The following SUOX variants were observed in gnomAD, a reference collection of about 807,000 sequenced individuals.
SUOX encodes sulfite oxidase, also known as sulfite oxidase, mitochondrial.
SUOX carries 39 observed loss-of-function variants against 41.9 expected under a neutral mutation model. The ratio of observed to expected loss-of-function variants is 0.93; its 90% CI spans 0.72 to 1.21. The LOEUF (loss-of-function observed/expected upper bound fraction) is 1.21, where lower values mean the gene tolerates loss of function less well. Among genes scored for constraint, SUOX ranks in the 50% most tolerant of loss-of-function variants. The pLI is 0.00. For synonymous variants in SUOX, 220 were observed against 268.4 expected, an observed-to-expected ratio of 0.82 and a Z score of 1.76; for missense variants, 633 against 689.5, an observed-to-expected ratio of 0.92 and a Z score of 0.92.
Position 56,004,504 on chromosome 12 carries a change from T to C in SUOX, c.1115T>C (p.Val372Ala), listed in dbSNP as rs759873311. Residue 372 changes from valine (V) to alanine (A), a missense_variant, in exon 5 of 5, where the codon GTG becomes GCG. Physicochemically the swap from Val to Ala is moderately conservative, Grantham distance 64 (BLOSUM62 0). Transcript: ENST00000266971. This position sits in a 1 kb window ranked among gnomAD's most constrained non-coding sequence, Gnocchi z 4.5. ...CCTGTGCGTGTGGTGGTTCCTGGAG[T>C]GGTGGGTGCCCGCCATGTCAAATGG... The part of the protein sequence containing the change: ...GFPVRVVVPG[V>A]VGARHVKWLG... The C allele has an allele frequency of 6.2e-7, 1 of 1,611,784 alleles. No individual in the cohort carries two copies. Among genetic ancestry groups the C allele is most frequent in the Non-Finnish European group, 8.5e-7 (1 of 1,179,668 alleles).
Position 56,002,541 on chromosome 12 carries a change from A to G in SUOX, c.51-2A>G. ...TGCTACTAAGACCGACCTCTCTTCC[A>G]GACTCAAGTCAATCCCCTCAAGGAT... On this transcript the variant is annotated splice_acceptor_variant, in intron 3 of 4. Transcript: ENST00000266971. LOFTEE classifies it high-confidence loss of function. 1 of 1,614,222 alleles carries G rather than the reference A, an allele frequency of 6.2e-7. No individual in the cohort carries two copies. The highest frequency in any genetic ancestry group is 8.5e-7 in the Non-Finnish European group (1 of 1,180,042).
chr12:56,001,776 CT>C (rs895710447), intron 2 of SUOX: 27 of 347,284 alleles, frequency 7.8e-5, no homozygotes, highest in Non-Finnish European at 1.1e-4. Flanking sequence ...GCTGTCACTA[CT>C]TTTTTTTCAC....
chr12:56,002,231 C>T lies in SUOX; in HGVS notation c.10C>T (p.Leu4=), dbSNP rs1214439495. The T allele has an allele frequency of 1.2e-6, 2 of 1,613,070 alleles. No individual in the cohort carries two copies. The highest frequency in any genetic ancestry group is 4.5e-5 in the East Asian group (2 of 44,896). The change falls in exon 3 of 5, where the codon CTG becomes TTG. Residue 4 remains leucine (L), a synonymous_variant. Transcript: ENST00000266971. MLL[L]HRAVVLRLQQ... is the part of the protein sequence containing the mutation. ...CTACAGGTCTGCTACAATGCTGCTG[C>T]TGCACAGAGCTGTGGTCCTCAGGCT...
chr12:55,999,058 C>A (rs1186600516), intron 2 of SUOX, among the ~76,000 whole-genome samples: 1 of 151,960 alleles, frequency 6.6e-6, no homozygotes, highest in Non-Finnish European at 1.5e-5. Context: ...AAGTGATCCT[C>A]CTTCCTTGGC....
At position 56,004,442 on chromosome 12, in the gene SUOX, G is replaced by T. The variant is rs1890660405; in HGVS notation, c.1053G>T (p.Glu351Asp). Residue 351 changes from glutamate to aspartate, a missense_variant, in exon 5 of 5, where the codon GAG (glutamate) becomes GAT (aspartate). Transcript: ENST00000266971. This position sits in a 1 kb window ranked among gnomAD's most constrained non-coding sequence, Gnocchi z 4.5. ...DPEAEVLLAY[E>D]MNGQPLPRDH... is the part of the protein sequence containing the mutation. ...AAGCTGAGGTCCTGCTGGCATATGAGATGAATGGGCAGCCTCTGCCACGTG... is the reference window on the plus strand; with the variant it reads ...AAGCTGAGGTCCTGCTGGCATATGATATGAATGGGCAGCCTCTGCCACGTG... The T allele has an allele frequency of 6.2e-7, 1 of 1,614,052 alleles. No individual in the cohort carries two copies. Among genetic ancestry groups the T allele is most frequent in the Admixed American group, 1.7e-5 (1 of 60,002 alleles).
chr12:56,002,474 GT>G (rs1890567640), intron 3 of SUOX, 68 bp from the exon 4 acceptor site: 1 of 1,602,204 alleles, frequency 6.2e-7, no homozygotes, highest in South Asian at 1.1e-5. Context: ...GGAGAAAGAA[GT>G]AGACCCCAAG....
chr12:56,002,922 G>C, intron 4 of SUOX: 1 of 556,754 alleles, frequency 1.8e-6, no homozygotes. Flanking sequence ...AGCTACTTGA[G>C]AGGCTGAGAC....
chr12:56,004,227 G>T lies in SUOX; in HGVS notation c.838G>T (p.Gly280Cys). The change falls in exon 5 of 5, where the codon GGT (glycine) becomes TGT (cysteine). Residue 280 changes from glycine (G) to cysteine (C), a missense_variant. Transcript: ENST00000266971. This position sits in a 1 kb window ranked among gnomAD's most constrained non-coding sequence, Gnocchi z 4.5. ...SEMTQVKEVK[G>C]LEWRTGAIST... ...GATGACTCAGGTCAAAGAAGTAAAA[G>T]GTCTGGAGTGGAGAACAGGAGCCAT... 1 of 1,614,136 alleles carries T rather than the reference G, an allele frequency of 6.2e-7. No homozygotes were observed. Among genetic ancestry groups the T allele is most frequent in the East Asian group, 2.2e-5 (1 of 44,884 alleles).
At position 56,004,788 on chromosome 12, in the gene SUOX, G is replaced by T; in HGVS notation, c.1399G>T (p.Gly467Cys). Residue 467 changes from glycine to cysteine, a missense_variant, in exon 5 of 5, where the codon GGC (glycine) becomes TGC (cysteine). Coordinates refer to ENST00000266971, the MANE Select transcript of SUOX (RefSeq NM_001032386.2). The surrounding 1 kb of genome is among the most constrained non-coding windows in gnomAD (Gnocchi z 4.5). The stretch of plus-strand genomic sequence containing the variant: ...CCGGGTGGATGTGTCTCTGGATGGG[G>T]GCCTAACCTGGCAGGTGGCTAAGCT... Reference protein sequence around the residue: ...VIRVDVSLDGGLTWQVAKLDG... With the variant: ...VIRVDVSLDGCLTWQVAKLDG... 1.2e-6 allele frequency: 2 copies of T among 1,614,152 alleles called. No individual in the cohort carries two copies. The highest frequency in any genetic ancestry group is 1.7e-6 in the Non-Finnish European group (2 of 1,180,024).
chr12:55,998,338 G>A (rs951611573), intron 2 of SUOX, among the ~76,000 whole-genome samples: 6 of 148,980 alleles, frequency 4.0e-5, no homozygotes, highest in Non-Finnish European at 8.9e-5. Flanking sequence ...TTGAACCCAG[G>A]AGTTTGAGAC....
chr12:55,998,731 C>T (rs1890401984), intron 2 of SUOX, among the ~76,000 whole-genome samples: 1 of 152,084 alleles, frequency 6.6e-6, no homozygotes, highest in East Asian at 1.9e-4. Flanking sequence ...GAGGCTAAGG[C>T]AGGAGGATGG....
Position 56,004,596 on chromosome 12 carries a change from T to G in SUOX, c.1207T>G (p.Phe403Val). The G allele has an allele frequency of 6.2e-7, 1 of 1,614,204 alleles. No individual in the cohort carries two copies. The highest frequency in any genetic ancestry group is 8.5e-7 in the Non-Finnish European group (1 of 1,180,034). ...SHWQRRDYKG[F>V]SPSVDWETVD... The stretch of plus-strand genomic sequence containing the variant: ...CTGGCAACGGCGGGATTACAAAGGC[T>G]TCTCTCCATCTGTGGACTGGGAGAC... Residue 403 changes from phenylalanine (F) to valine (V), a missense_variant, in exon 5 of 5, where the codon TTC becomes GTC. Coordinates refer to ENST00000266971, the MANE Select transcript of SUOX (RefSeq NM_001032386.2). The surrounding 1 kb of genome is among the most constrained non-coding windows in gnomAD (Gnocchi z 4.5).
chr12:55,998,933 C>T (rs1371171543), intron 2 of SUOX, among the ~76,000 whole-genome samples: 1 of 151,924 alleles, frequency 6.6e-6, no homozygotes, highest in Non-Finnish European at 1.5e-5. Context: ...CTCTCCCCAC[C>T]ACCCCGGTAG....
chr12:56,002,668 G>A lies in SUOX; in HGVS notation c.176G>A (p.Gly59Glu), dbSNP rs200501208. ...AGCACCCAGGGATGGAGAGTCATGG[G>A]GACCCTATTAGGTCTCGGTGCAGTG... ...NSSTQGWRVM[G>E]TLLGLGAVLA... The change falls in exon 4 of 5, where the codon GGG becomes GAG. Residue 59 changes from glycine to glutamate, a missense_variant. By Grantham distance (98) the Gly-to-Glu change is moderately conservative (BLOSUM62 -2). Transcript: ENST00000266971. 5 of 1,614,070 alleles carry A rather than the reference G, an allele frequency of 3.1e-6. No homozygotes were observed. The highest frequency in any genetic ancestry group is 4.2e-6 in the Non-Finnish European group (5 of 1,180,024).
In SUOX at chr12:55,997,626, C is replaced by T. The variant is rs1221510639; in HGVS notation, c.-108C>T. ...TTTCTGTATTACAGCAAAAGGCTGT[C>T]CCTCCCAAACCTGGGATTCTGGGCT... On this transcript the variant is annotated 5_prime_UTR_variant, in exon 2 of 5. Coordinates refer to ENST00000266971, the MANE Select transcript of SUOX (RefSeq NM_001032386.2). 1 of 152,332 alleles carries T rather than the reference C, an allele frequency of 6.6e-6. No homozygotes were observed. The highest frequency in any genetic ancestry group is 2.4e-5 in the African/African-American group (1 of 41,440). 9.4% of individuals were successfully genotyped at this position (152,332 alleles called of 1,614,324 possible).
Position 55,999,336 on chromosome 12 carries a change from C to T in SUOX, c.-11+1613C>T, listed in dbSNP as rs139170103. The T allele has an allele frequency of 5.1e-4, 79 of 153,496 alleles. 2 individuals carry two copies. In the East Asian group the frequency reaches 8.3e-3, roughly 16 times the overall value. The allele number at this position is 153,496 out of a possible 1,614,324, so 9.5% of individuals were successfully genotyped here. The stretch of plus-strand genomic sequence containing the variant: ...CAACTAACTTTTTATTTTGTAGGGA[C>T]GGAGTCTCCAACTCCTGGCCTCTAG... On this transcript the variant is annotated intron_variant, in intron 2 of 4. Transcript: ENST00000266971.
chr12:56,004,563 T>TA lies in SUOX; in HGVS notation c.1175dup (p.Tyr392Ter), dbSNP rs1302898934. The TA allele has an allele frequency of 6.2e-7, 1 of 1,614,188 alleles. No homozygotes were observed. The highest frequency in any genetic ancestry group is 1.1e-5 in the South Asian group (1 of 91,088). ...GRVSVQPEESYSHWQRRDYKG... is the reference protein window; with the variant it reads ...GRVSVQPEES ...AGTGAGTGTGCAGCCAGAGGAAAGT[T>TA]ACAGCCACTGGCAACGGCGGGATTA... Residue 392 changes from tyrosine (Y) to a stop codon, truncating the protein, a stop_gained and frameshift_variant, in exon 5 of 5, where the codon TAC (tyrosine) becomes TAAC (stop). Transcript: ENST00000266971. LOFTEE classifies it high-confidence loss of function. The surrounding 1 kb of genome is among the most constrained non-coding windows in gnomAD (Gnocchi z 4.5).
rs755191764 is a variant in SUOX at position 56,002,653 on chromosome 12, G to A, written c.161G>A (p.Gly54Glu). 6.2e-7 allele frequency: 1 copy of A among 1,614,072 alleles called. No individual in the cohort carries two copies. The highest frequency in any genetic ancestry group is 1.1e-5 in the South Asian group (1 of 91,062). The change falls in exon 4 of 5, where the codon GGA (glycine) becomes GAA (glutamate). Residue 54 changes from glycine (G) to glutamate (E), a missense_variant. By Grantham distance (98) the Gly-to-Glu change is moderately conservative (BLOSUM62 -2). Transcript: ENST00000266971. ...TFSGDNSSTQGWRVMGTLLGL... is the reference protein window; with the variant it reads ...TFSGDNSSTQEWRVMGTLLGL... ...TCTGGTGATAACTCCAGCACCCAGG[G>A]ATGGAGAGTCATGGGGACCCTATTA...
Position 56,004,462 on chromosome 12 carries a change from C to T in SUOX, c.1073C>T (p.Pro358Leu), listed in dbSNP as rs775044168. Residue 358 changes from proline to leucine, a missense_variant, in exon 5 of 5, where the codon CCA (proline) becomes CTA (leucine). Pro to Leu is a moderately conservative substitution (Grantham distance 98). Transcript: ENST00000266971. This position sits in a 1 kb window ranked among gnomAD's most constrained non-coding sequence, Gnocchi z 4.5. ...TATGAGATGAATGGGCAGCCTCTGC[C>T]ACGTGACCACGGCTTCCCTGTGCGT... ...LAYEMNGQPL[P>L]RDHGFPVRVV... The T allele has an allele frequency of 6.2e-7, 1 of 1,614,180 alleles. No homozygotes were observed. Among genetic ancestry groups the T allele is most frequent in the Non-Finnish European group, 8.5e-7 (1 of 1,180,040 alleles).
Sources: allele counts gnomAD v4.1 joint callset (sites outside exome capture counted in the v4.1 genomes callset), GRCh38; gene constraint gnomAD v4.1.1; non-coding constraint Gnocchi (gnomAD v3.1); transcripts MANE v1.5; gene names NCBI Gene and HGNC (gene_info 2026-07-23, HGNC 2026-07-21).